Variants in DNAH11 observed in about 807,000 individuals in gnomAD.
DNAH11 encodes the protein axonemal beta dynein heavy chain 11.
DNAH11 carries 442 observed loss-of-function variants against 526.0 expected under a neutral mutation model. The ratio of observed to expected loss-of-function variants is 0.84; its 90% CI spans 0.78 to 0.91. DNAH11 has a LOEUF of 0.91. Among genes scored for constraint, DNAH11 ranks in the 40% least tolerant of loss-of-function variants. DNAH11 has a pLI of 0.00. For missense variants in DNAH11, 6,989 were observed against 5,448.7 expected, an observed-to-expected ratio of 1.28 and a Z score of -8.90; for synonymous variants, 2,461 against 1,935.9, an observed-to-expected ratio of 1.27 and a Z score of -7.12.
At chr7:21,691,307 T>C (rs1445980141) in intron 35 of DNAH11, among the ~76,000 whole-genome samples, 1 of 151,648 alleles carries the variant, frequency 6.6e-6, no homozygotes, top group Non-Finnish European at 1.5e-5. Flanking sequence ...CAGTATTTGG[T>C]AGCCTTTCCA....
At chr7:21,630,391 A>G (rs908875154) in intron 25 of DNAH11, among the ~76,000 whole-genome samples, 1 of 152,230 alleles carries the variant, frequency 6.6e-6, no homozygotes, top group Non-Finnish European at 1.5e-5. Flanking sequence ...GTTTGTTCAC[A>G]TATTTAATTT....
At chr7:21,567,616 G>A (rs188725163) in intron 6 of DNAH11, among the ~76,000 whole-genome samples, 2 of 152,212 alleles carry the variant, frequency 1.3e-5, no homozygotes, top group Non-Finnish European at 2.9e-5. Context: ...CCTTAAGGTG[G>A]AACAGGTGCT....
chr7:21,673,463 A>G (rs569625678), intron 30 of DNAH11, among the ~76,000 whole-genome samples: 2 of 152,252 alleles, frequency 1.3e-5, no homozygotes, highest in African/African-American at 4.8e-5. Context: ...TCAAAGAGGA[A>G]CTAGAGCAAT....
At chr7:21,900,846 C>G in intron 81 of DNAH11, 161 bp from the exon 82 acceptor site, 3 of 1,222,664 alleles carry the variant, frequency 2.5e-6, no homozygotes, top group Non-Finnish European at 3.3e-6. Flanking sequence ...GGTAACCTAC[C>G]TTTCAAAGCT....
At chr7:21,772,794 A>T (rs1197134593) in intron 55 of DNAH11, among the ~76,000 whole-genome samples, 1 of 152,214 alleles carries the variant, frequency 6.6e-6, no homozygotes, top group African/African-American at 2.4e-5. Flanking sequence ...TTGATTGTTT[A>T]AAGACATTGT....
chr7:21,828,760 GTTT>G (rs370526200), intron 65 of DNAH11, among the ~76,000 whole-genome samples: 2 of 131,780 alleles, frequency 1.5e-5, no homozygotes, highest in Non-Finnish European at 1.6e-5. Flanking sequence ...ATTTTTCTGG[GTTT>G]TTTTTTTTTT....
chr7:21,546,165 C>T (rs1471215866), intron 2 of DNAH11, among the ~76,000 whole-genome samples: 2 of 152,146 alleles, frequency 1.3e-5, no homozygotes, highest in African/African-American at 2.4e-5. Flanking sequence ...TAGTTATTTA[C>T]CAGTCTCTCA....
chr7:21,816,796 C>A, intron 64 of DNAH11, 94 bp downstream of exon 64: 1 of 931,020 alleles, frequency 1.1e-6, no homozygotes, highest in Non-Finnish European at 1.7e-6. Flanking sequence ...ACCTCTCCAC[C>A]ACATTGATGT....
At chr7:21,705,112 T>A (rs1166113515) in intron 38 of DNAH11, among the ~76,000 whole-genome samples, 1 of 151,998 alleles carries the variant, frequency 6.6e-6, no homozygotes, top group Non-Finnish European at 1.5e-5. Context: ...ATTATCCATT[T>A]TAGATATTTT....
intron 55 of DNAH11, among the ~76,000 whole-genome samples, chr7:21,772,484 C>A (rs969042233): frequency 3.3e-5 from 5 of 151,896 alleles, no homozygotes; most frequent in African/African-American, 1.2e-4. Flanking sequence ...AATTCCTGCA[C>A]ATGTCTGTAT....
At chr7:21,850,114 T>C (rs890924249) in intron 66 of DNAH11, among the ~76,000 whole-genome samples, 1 of 151,942 alleles carries the variant, frequency 6.6e-6, no homozygotes, top group Non-Finnish European at 1.5e-5. Context: ...CCCAGCACTT[T>C]GGGAGGCCAA....
At chr7:21,731,432 A>G (rs1178216139) in intron 45 of DNAH11, among the ~76,000 whole-genome samples, 1 of 152,008 alleles carries the variant, frequency 6.6e-6, no homozygotes, top group Non-Finnish European at 1.5e-5. Context: ...AAGTTGTAAT[A>G]TATTTGTAGA....
chr7:21,629,574 G>A (rs1458996702), intron 25 of DNAH11, among the ~76,000 whole-genome samples: 1 of 152,028 alleles, frequency 6.6e-6, no homozygotes, highest in East Asian at 1.9e-4. Context: ...ATTAATGTTT[G>A]TGTTATATAC....
chr7:21,657,527 G>T (rs955115619), intron 29 of DNAH11, among the ~76,000 whole-genome samples: 1 of 152,136 alleles, frequency 6.6e-6, no homozygotes, highest in Non-Finnish European at 1.5e-5. Flanking sequence ...ATGTGTGTTT[G>T]GTCTTCCCAA....
chr7:21,686,921 A>T (rs547171600), intron 32 of DNAH11, among the ~76,000 whole-genome samples, 178 bp from the exon 33 acceptor site: 1 of 152,384 alleles, frequency 6.6e-6, no homozygotes, highest in Admixed American at 6.5e-5. Context: ...GCCTAAAAAT[A>T]AATGTGATAG....
In DNAH11 at chr7:21,774,201, C is replaced by T. The variant is rs111882364; in HGVS notation, c.9336+202C>T. On this transcript the variant is annotated intron_variant, in intron 56 of 81. Coordinates refer to ENST00000409508, the MANE Select transcript of DNAH11 (RefSeq NM_001277115.2). ...GACTCACAGCTGGATTAGGGTGAAACGTTCTCTTCCTGGCCTGACTCAGTG... is the reference window on the plus strand; with the variant it reads ...GACTCACAGCTGGATTAGGGTGAAATGTTCTCTTCCTGGCCTGACTCAGTG... 1.6e-3 allele frequency among the ~76,000 whole-genome samples: 249 copies of T among 152,240 alleles called. 1 individual carries two copies. The highest frequency in any genetic ancestry group is 5.8e-3 in the African/African-American group (241 of 41,550).
intron 8 of DNAH11, among the ~76,000 whole-genome samples, chr7:21,575,455 ATTG>A (rs1372651370): frequency 6.6e-6 from 1 of 152,204 alleles, no homozygotes; most frequent in African/African-American, 2.4e-5. Flanking sequence ...GAACGAGTCT[ATTG>A]TTCTGCTGTC....
rs1448352832 is a variant in DNAH11 at position 21,842,734 on chromosome 7, T to C, written c.10882T>C (p.Leu3628=). 2 of 1,608,804 alleles carry C rather than the reference T, an allele frequency of 1.2e-6. No individual in the cohort carries two copies. The highest frequency in any genetic ancestry group is 1.7e-6 in the Non-Finnish European group (2 of 1,177,728). Residue 3628 remains leucine, a synonymous_variant, in exon 66 of 82, where the codon TTG becomes CTG. Transcript: ENST00000409508. ...AEVVSIERPD[L]EKLKLVLTKH... Reference sequence around the variant, plus strand: ...GGTTGTCAGTATTGAAAGGCCAGATTTGGAGAAACTTAAGGTAAAAATGTT... The same window carrying C: ...GGTTGTCAGTATTGAAAGGCCAGATCTGGAGAAACTTAAGGTAAAAATGTT...
intron 65 of DNAH11, among the ~76,000 whole-genome samples, chr7:21,835,149 G>A (rs1341569632): frequency 2.7e-5 from 4 of 150,060 alleles, no homozygotes; most frequent in African/African-American, 4.9e-5. Flanking sequence ...AGAGCCCTAG[G>A]ACCTGATGCA....
Sources: allele counts gnomAD v4.1 joint callset (sites outside exome capture counted in the v4.1 genomes callset), GRCh38; gene constraint gnomAD v4.1.1; transcripts MANE v1.5; gene names NCBI Gene and HGNC (gene_info 2026-07-23, HGNC 2026-07-21).